Variants in SSB observed in about 807,000 individuals in gnomAD.
SSB encodes the protein lupus La protein.
In SSB, 17 loss-of-function variants were observed where a neutral mutation model predicts 52.9. The observed-to-expected ratio is 0.32, with a 90% CI of 0.22 to 0.48. The LOEUF is 0.48. Among genes scored for constraint, SSB ranks in the 20% least tolerant of loss-of-function variants. The probability of loss-of-function intolerance (pLI) is 0.99; values close to 1 mark genes in which losing one functional copy is unlikely to be tolerated. For missense variants in SSB, 314 were observed against 463.6 expected, an observed-to-expected ratio of 0.68 and a Z score of 2.96; for synonymous variants, 111 against 152.1, an observed-to-expected ratio of 0.73 and a Z score of 1.99.
Position 169,810,266 on chromosome 2 carries a change from T to C in SSB, c.670-17T>C. On this transcript the variant is annotated splice_polypyrimidine_tract_variant and intron_variant, in intron 8 of 11. Coordinates refer to ENST00000260956, the MANE Select transcript of SSB (RefSeq NM_003142.5). ...TGCTTTTAAGAAACTTTTTGATCAC[T>C]TTGTATATTTTTATAGAAATCTCTA... 1 of 1,589,860 alleles carries C rather than the reference T, an allele frequency of 6.3e-7. No homozygotes were observed. The highest frequency in any genetic ancestry group is 1.2e-5 in the South Asian group (1 of 86,204).
At chr2:169,809,700 C>T (rs553918999) in intron 8 of SSB, among the ~76,000 whole-genome samples, 1 of 152,034 alleles carries the variant, frequency 6.6e-6, no homozygotes, top group East Asian at 1.9e-4. Context: ...GCAAGCTCCA[C>T]CTCCCAGATT....
At chr2:169,811,116 T>C (rs1573963452) in intron 10 of SSB, 67 bp from the exon 11 acceptor site, 5 of 1,591,940 alleles carry the variant, frequency 3.1e-6, no homozygotes, top group East Asian at 2.2e-5. Context: ...CTTTAATCAG[T>C]GTTCAAAAAC....
chr2:169,801,153 A>G lies in SSB; in HGVS notation c.66+127A>G, dbSNP rs180718034. 986 of 658,256 alleles carry G rather than the reference A, an allele frequency of 1.5e-3. 5 individuals are homozygous for G. The African/African-American group carries it at 0.017, about 11-fold the overall frequency. The allele number at this position is 658,256 out of a possible 1,614,324, so 40.8% of individuals were successfully genotyped here. On this transcript the variant is annotated intron_variant, in intron 2 of 11. Coordinates refer to ENST00000260956, the MANE Select transcript of SSB (RefSeq NM_003142.5). ...CCTTTGATTCTTAGATGAACATATA[A>G]TAGCATACAGTTTTATATTGGTGGA...
chr2:169,802,335 A>C (rs907876304), intron 2 of SSB, among the ~76,000 whole-genome samples: 3 of 152,082 alleles, frequency 2.0e-5, no homozygotes, highest in Non-Finnish European at 4.4e-5. Flanking sequence ...ATGGGAAATT[A>C]TCTCTAAACT....
At chr2:169,805,123 C>G (rs1356584718) in intron 2 of SSB, among the ~76,000 whole-genome samples, 1 of 134,798 alleles carries the variant, frequency 7.4e-6, no homozygotes, top group East Asian at 2.4e-4. Flanking sequence ...GAGTAAGACT[C>G]TGTCTCAAAA....
rs763617054 is a variant in SSB, at chr2:169,810,913, C to A, written c.866C>A (p.Ala289Glu). The A allele has an allele frequency of 6.2e-7, 1 of 1,613,092 alleles. No individual in the cohort carries two copies. Among genetic ancestry groups the A allele is most frequent in the Non-Finnish European group, 8.5e-7 (1 of 1,179,578 alleles). Reference sequence around the variant, plus strand: ...GAAGCATTGGGTAAAGCCAAAGATGCAAATAATGGTAACCTACAATTAAGG... The same window carrying A: ...GAAGCATTGGGTAAAGCCAAAGATGAAAATAATGGTAACCTACAATTAAGG... Reference protein sequence around the residue: ...AKEALGKAKDANNGNLQLRNK... With the variant: ...AKEALGKAKDENNGNLQLRNK... Residue 289 changes from alanine to glutamate, a missense_variant, in exon 10 of 12, where the codon GCA becomes GAA. By Grantham distance (107) the Ala-to-Glu change is moderately radical. Transcript: ENST00000260956.
chr2:169,805,280 T>G (rs1311045627), intron 2 of SSB, among the ~76,000 whole-genome samples, 194 bp from the exon 3 acceptor site: 1 of 152,256 alleles, frequency 6.6e-6, no homozygotes, highest in Non-Finnish European at 1.5e-5. Flanking sequence ...ACACATCTGT[T>G]ACACTATTTT....
In SSB at chr2:169,805,849, C is replaced by G; in HGVS notation, c.345+10C>G. 6.2e-7 allele frequency: 1 copy of G among 1,605,102 alleles called. No homozygotes were observed. The highest frequency in any genetic ancestry group is 8.5e-7 in the Non-Finnish European group (1 of 1,175,256). ...CAGATCTGTTTATATTGTAAGTGGG[C>G]CTGTAATGCATTTAAATATCTTACA... is the stretch of plus-strand genomic sequence containing the variant. On this transcript the variant is annotated intron_variant, in intron 4 of 11. Coordinates refer to ENST00000260956, the MANE Select transcript of SSB (RefSeq NM_003142.5).
chr2:169,811,988 TAAA>T lies in SSB; in HGVS notation c.*233_*235del. On this transcript the variant is annotated 3_prime_UTR_variant, in exon 12 of 12. Coordinates refer to ENST00000260956, the MANE Select transcript of SSB (RefSeq NM_003142.5). Reference sequence around the variant, plus strand: ...AATATCAAAAGGAAGATTCTTCCATTAAATTGCCTTTGTAATATGAGAATGTAT... The same window carrying T: ...AATATCAAAAGGAAGATTCTTCCATTTTGCCTTTGTAATATGAGAATGTAT... 1.9e-6 allele frequency: 2 copies of T among 1,060,608 alleles called. No homozygotes were observed. Among genetic ancestry groups the T allele is most frequent in the Non-Finnish European group, 2.7e-6 (2 of 730,148 alleles). The allele number at this position is 1,060,608 out of a possible 1,614,324, so 65.7% of individuals were successfully genotyped here.
chr2:169,801,108 C>G (rs950795169), intron 2 of SSB, 82 bp downstream of exon 2: 134 of 1,124,976 alleles, frequency 1.2e-4, no homozygotes, highest in Non-Finnish European at 1.6e-4. Context: ...AGTACATGGA[C>G]ATATTCAACA....
intron 2 of SSB, among the ~76,000 whole-genome samples, chr2:169,804,475 T>G (rs992624345): frequency 6.6e-6 from 1 of 151,828 alleles, no homozygotes; most frequent in African/African-American, 2.4e-5. Context: ...GGTCTTGAAC[T>G]CCTAGACTCA....
intron 2 of SSB, among the ~76,000 whole-genome samples, chr2:169,802,446 G>A (rs182744611): frequency 6.8e-6 from 1 of 147,982 alleles, no homozygotes; most frequent in Non-Finnish European, 1.5e-5. Context: ...GCACGTCTCT[G>A]CATTTAAAAT....
Position 169,810,869 on chromosome 2 carries a change from A to G in SSB, c.822A>G (p.Leu274=). 2 of 1,606,858 alleles carry G rather than the reference A, an allele frequency of 1.2e-6. No homozygotes were observed. Among genetic ancestry groups the G allele is most frequent in the Admixed American group, 1.7e-5 (1 of 58,094 alleles). Residue 274 remains leucine (L), a synonymous_variant, in exon 10 of 12, where the codon CTA becomes CTG. Coordinates refer to ENST00000260956, the MANE Select transcript of SSB (RefSeq NM_003142.5). ...TGTCTCTGGTATAGGGGATAATTCT[A>G]TTTAAAGAAAAAGCCAAGGAAGCAT... ...FVRGAKEGII[L]FKEKAKEALG... is the part of the protein sequence containing the mutation.
chr2:169,801,928 C>T (rs115821501), intron 2 of SSB, among the ~76,000 whole-genome samples: 1,694 of 152,152 alleles, frequency 0.011, 7 homozygotes, highest in Non-Finnish European at 0.016. Context: ...TCAAGTGATC[C>T]GTAGTACCTT....
rs1689878455 is a variant in SSB at position 169,808,600 on chromosome 2, T to A, written c.626+47T>A. 7 of 1,491,940 alleles carry A rather than the reference T, an allele frequency of 4.7e-6. No homozygotes were observed. The East Asian group carries it at 1.6e-4, about 34-fold the overall frequency. 92.4% of individuals were successfully genotyped at this position (1,491,940 alleles called of 1,614,324 possible). ...CGACATAATTTGAATTCCTTAAAGC[T>A]CTGACAGAAATATAGCTGGTGAGCT... On this transcript the variant is annotated intron_variant, in intron 7 of 11. Transcript: ENST00000260956.
In SSB at chr2:169,810,917, T is replaced by TA; in HGVS notation, c.872dup (p.Asn291LysfsTer3). On this transcript the variant is annotated frameshift_variant, in exon 10 of 12. Transcript: ENST00000260956. LOFTEE classifies it high-confidence loss of function. Reference sequence around the variant, plus strand: ...CATTGGGTAAAGCCAAAGATGCAAATAATGGTAACCTACAATTAAGGAACA... The same window carrying TA: ...CATTGGGTAAAGCCAAAGATGCAAATAAATGGTAACCTACAATTAAGGAACA... 6.2e-7 allele frequency: 1 copy of TA among 1,613,392 alleles called. No individual in the cohort carries two copies. The highest frequency in any genetic ancestry group is 8.5e-7 in the Non-Finnish European group (1 of 1,179,668).
At chr2:169,806,930 T>C (rs759469414) in intron 5 of SSB, 38 bp downstream of exon 5, 1 of 1,609,418 alleles carries the variant, frequency 6.2e-7, no homozygotes, top group Non-Finnish European at 8.5e-7. Flanking sequence ...TTAAAATATA[T>C]GGGACATAAC....
Position 169,812,049 on chromosome 2 carries a change from A to G in SSB, c.*293A>G. The stretch of plus-strand genomic sequence containing the variant: ...AACTAACTAATAAAATATATACTAT[A>G]TGAAAAGAGCAAAAACAGTTTTTGA... On this transcript the variant is annotated 3_prime_UTR_variant, in exon 12 of 12. Coordinates refer to ENST00000260956, the MANE Select transcript of SSB (RefSeq NM_003142.5). 1 of 676,524 alleles carries G rather than the reference A, an allele frequency of 1.5e-6. No homozygotes were observed. The highest frequency in any genetic ancestry group is 2.4e-6 in the Non-Finnish European group (1 of 412,538). 41.9% of individuals were successfully genotyped at this position (676,524 alleles called of 1,614,324 possible). A position where few individuals can be genotyped will look rare whatever the true frequency, so the allele number is the denominator to read the frequency against.
chr2:169,809,496 A>C (rs2105703634), intron 8 of SSB, among the ~76,000 whole-genome samples: 1 of 152,378 alleles, frequency 6.6e-6, no homozygotes, highest in South Asian at 2.1e-4. Context: ...TAAAGATTCT[A>C]ATCATAGGTT....
Sources: gnomAD v4.1 joint callset for allele counts (sites outside exome capture counted in the v4.1 genomes callset) on GRCh38, gnomAD v4.1.1 for gene constraint, MANE v1.5 for transcripts, NCBI Gene and HGNC (gene_info 2026-07-23, HGNC 2026-07-21) for gene names.